The following VAT1L variants were observed in gnomAD, a reference collection of about 807,000 sequenced individuals.
The protein encoded by VAT1L is vesicle amine transport 1 like.
VAT1L carries 34 observed loss-of-function variants against 44.1 expected under a neutral mutation model. That is an observed-to-expected ratio of 0.77 (90% confidence interval 0.59 to 1.03). The LOEUF (loss-of-function observed/expected upper bound fraction) is 1.03, where lower values mean the gene tolerates loss of function less well. Ranked by LOEUF, VAT1L falls within the 50% of genes least tolerant of loss-of-function variation. The pLI, the probability that VAT1L is intolerant of heterozygous loss-of-function variation, is 0.00. For missense variants in VAT1L, 615 were observed against 538.8 expected, an observed-to-expected ratio of 1.14 and a Z score of -1.40; for synonymous variants, 253 against 202.2, an observed-to-expected ratio of 1.25 and a Z score of -2.13.
chr16:77,952,277 A>G (rs910538305), intron 7 of VAT1L, among the ~76,000 whole-genome samples: 1 of 152,326 alleles, frequency 6.6e-6, no homozygotes, highest in South Asian at 2.1e-4. Context: ...ACCTGTTGAT[A>G]CAGTTTGGAT....
intron 7 of VAT1L, among the ~76,000 whole-genome samples, chr16:77,935,550 G>C (rs1187146000): frequency 2.0e-5 from 3 of 151,060 alleles, no homozygotes; most frequent in African/African-American, 7.3e-5. Context: ...GGCAGAGAGA[G>C]ATGGGGGCGG....
intron 6 of VAT1L, among the ~76,000 whole-genome samples, chr16:77,883,333 T>C (rs1395506856): frequency 6.6e-6 from 1 of 152,184 alleles, no homozygotes; most frequent in Admixed American, 6.5e-5. Context: ...AACAAAGCAG[T>C]TGGATCCCCA....
intron 7 of VAT1L, among the ~76,000 whole-genome samples, chr16:77,902,731 G>GA (rs1597090847): frequency 2.3e-5 from 2 of 86,476 alleles, no homozygotes; most frequent in African/African-American, 5.4e-5. Context: ...CGATGGGGGG[G>GA]TGGGGGGGGT....
chr16:77,858,122 C>T (rs915722419), intron 3 of VAT1L, among the ~76,000 whole-genome samples: 2 of 152,270 alleles, frequency 1.3e-5, no homozygotes, highest in East Asian at 1.9e-4. Context: ...TCCCTGCCCC[C>T]ACAGAGCTCA....
At chr16:77,931,449 G>C (rs560597088) in intron 7 of VAT1L, among the ~76,000 whole-genome samples, 1 of 152,308 alleles carries the variant, frequency 6.6e-6, no homozygotes, top group East Asian at 1.9e-4. Context: ...TCATGGAGGA[G>C]TAAGGTCTGT....
At chr16:77,934,241 G>C (rs2017766123) in intron 7 of VAT1L, among the ~76,000 whole-genome samples, 1 of 152,032 alleles carries the variant, frequency 6.6e-6, no homozygotes, top group Non-Finnish European at 1.5e-5. Flanking sequence ...AGAGAATCAT[G>C]AAAAACCCCT....
At chr16:77,937,642 G>A (rs1296439591) in intron 7 of VAT1L, among the ~76,000 whole-genome samples, 2 of 152,354 alleles carry the variant, frequency 1.3e-5, no homozygotes, top group South Asian at 2.1e-4. Flanking sequence ...CTGAAATGAC[G>A]GTGCTCCTGC....
intron 7 of VAT1L, among the ~76,000 whole-genome samples, chr16:77,912,001 T>C (rs1351937510): frequency 6.6e-6 from 1 of 152,210 alleles, no homozygotes; most frequent in Non-Finnish European, 1.5e-5. Context: ...TTGTACTCTT[T>C]GTAGTCTCAT....
At chr16:77,927,620 G>A (rs1345007578) in intron 7 of VAT1L, among the ~76,000 whole-genome samples, 2 of 152,064 alleles carry the variant, frequency 1.3e-5, no homozygotes, top group Non-Finnish European at 2.9e-5. Flanking sequence ...GCTTTTGCCT[G>A]TAATCCCAGC....
At position 77,855,688 on chromosome 16, in the gene VAT1L, G is replaced by A. The variant is rs564054869; in HGVS notation, c.580-7060G>A. 1.4e-4 allele frequency among the ~76,000 whole-genome samples: 21 copies of A among 152,272 alleles called. 1 individual carries two copies. The South Asian group carries it at 1.5e-3, about 11-fold the overall frequency. On this transcript the variant is annotated intron_variant, in intron 3 of 8. Coordinates refer to ENST00000302536, the MANE Select transcript of VAT1L (RefSeq NM_020927.3). ...CAGGGACCATATACATAAATAACTCGTTTATATTTCTGGCACCTCTGATAA... is the reference window on the plus strand; with the variant it reads ...CAGGGACCATATACATAAATAACTCATTTATATTTCTGGCACCTCTGATAA...
chr16:77,929,288 C>A (rs2017702732), intron 7 of VAT1L, among the ~76,000 whole-genome samples: 1 of 152,130 alleles, frequency 6.6e-6, no homozygotes, highest in Admixed American at 6.6e-5. Flanking sequence ...ATACTCTCTT[C>A]CAGGCAGGGA....
chr16:77,789,023 C>A, intron 1 of VAT1L, 108 bp downstream of exon 1: 7 of 1,310,868 alleles, frequency 5.3e-6, no homozygotes, highest in Non-Finnish European at 7.0e-6. Flanking sequence ...CCGCCGCGCG[C>A]ACCCCCTCCG....
chr16:77,907,146 T>A (rs188048914), intron 7 of VAT1L, among the ~76,000 whole-genome samples: 28 of 152,234 alleles, frequency 1.8e-4, no homozygotes, highest in African/African-American at 5.5e-4. Context: ...CTGTAAATAC[T>A]CCCATCGTGA....
chr16:77,815,418 A>G (rs1159011495), intron 1 of VAT1L, among the ~76,000 whole-genome samples: 1 of 152,194 alleles, frequency 6.6e-6, no homozygotes, highest in Admixed American at 6.5e-5. Flanking sequence ...TATGAGGCAT[A>G]CAGATGCCTT....
intron 7 of VAT1L, among the ~76,000 whole-genome samples, chr16:77,946,454 T>G (rs1452025136): frequency 4.6e-5 from 7 of 151,726 alleles, no homozygotes; most frequent in Non-Finnish European, 8.8e-5. Context: ...CAGCTAATTT[T>G]TGTATTTTAA....
intron 7 of VAT1L, among the ~76,000 whole-genome samples, chr16:77,915,563 C>T (rs897387756): frequency 7.9e-5 from 12 of 152,156 alleles, no homozygotes; most frequent in Non-Finnish European, 1.6e-4. Context: ...ACCAAGAAGG[C>T]TTCCCCAGAG....
chr16:77,814,716 T>G (rs564099015), intron 1 of VAT1L, among the ~76,000 whole-genome samples: 20 of 152,346 alleles, frequency 1.3e-4, no homozygotes, highest in African/African-American at 4.8e-4. Flanking sequence ...TTGTAGAAAT[T>G]TTATTTACTG....
chr16:77,891,859 T>A (rs2017269923), intron 7 of VAT1L, among the ~76,000 whole-genome samples: 1 of 152,020 alleles, frequency 6.6e-6, no homozygotes, highest in Non-Finnish European at 1.5e-5. Context: ...GATCACCAGG[T>A]CAGGAGATCG....
chr16:77,830,973 C>T (rs918632392), intron 3 of VAT1L, among the ~76,000 whole-genome samples: 12 of 152,206 alleles, frequency 7.9e-5, no homozygotes, highest in African/African-American at 1.9e-4. Context: ...CGTGAGCCAC[C>T]GCATCTGGCC....
Sources: gnomAD v4.1 joint callset for allele counts (sites outside exome capture counted in the v4.1 genomes callset) on GRCh38, gnomAD v4.1.1 for gene constraint, MANE v1.5 for transcripts, NCBI Gene and HGNC (gene_info 2026-07-23, HGNC 2026-07-21) for gene names.